Variants in CFI observed in about 807,000 individuals in gnomAD.
The protein encoded by CFI is complement factor I.
Under a neutral mutation model 78.8 loss-of-function variants are expected in CFI, and 66 were observed. The observed-to-expected ratio is 0.84, with a 90% CI of 0.69 to 1.03. The LOEUF (loss-of-function observed/expected upper bound fraction) is 1.03. Among genes scored for constraint, CFI ranks in the 50% least tolerant of loss-of-function variants. CFI has a pLI of 0.00. For synonymous variants in CFI, 250 were observed against 232.6 expected (o/e 1.07, Z -0.68); for missense variants, 706 against 704.5 (o/e 1.00, Z -0.02).
chr4:109,787,826 C>A (rs961986490), intron 1 of CFI, among the ~76,000 whole-genome samples: 1 of 151,702 alleles, frequency 6.6e-6, no homozygotes, highest in South Asian at 2.1e-4. Flanking sequence ...TTGTTTTTTT[C>A]ATAATGAATG....
At chr4:109,767,161 C>A (rs1437304326) in intron 1 of CFI, among the ~76,000 whole-genome samples, 1 of 152,042 alleles carries the variant, frequency 6.6e-6, no homozygotes, top group Admixed American at 6.6e-5. Context: ...CATGTTAGAC[C>A]TAAAACCATA....
At chr4:109,777,339 C>T (rs1011362891) in intron 1 of CFI, among the ~76,000 whole-genome samples, 6 of 151,994 alleles carry the variant, frequency 3.9e-5, no homozygotes, top group African/African-American at 1.2e-4. Flanking sequence ...ATCCTAGTCT[C>T]GGATAAAACA....
intron 1 of CFI, among the ~76,000 whole-genome samples, chr4:109,794,895 C>T (rs1731863420): frequency 6.6e-6 from 1 of 152,098 alleles, no homozygotes; most frequent in Non-Finnish European, 1.5e-5. Context: ...AAGCGTGTGA[C>T]ATTGGCAAGA....
chr4:109,771,923 G>C (rs955923672), intron 1 of CFI, among the ~76,000 whole-genome samples: 3 of 151,988 alleles, frequency 2.0e-5, no homozygotes, highest in Admixed American at 1.3e-4. Context: ...AAGAAGGAGA[G>C]AGAGGGGGAA....
At chr4:109,739,082 T>C (rs1393568641), downstream of CFI, among the ~76,000 whole-genome samples, 1 of 152,196 alleles carries the variant, frequency 6.6e-6, no homozygotes, top group African/African-American at 2.4e-5. Context: ...AAATTGTTAC[T>C]TTTATGTTAT....
chr4:109,732,339 C>A, the CFI span, among the ~76,000 whole-genome samples: 10 of 152,194 alleles, frequency 6.6e-5, no homozygotes, highest in African/African-American at 2.4e-4. Flanking sequence ...ATGAGAATCA[C>A]CACCATTTTT....
chr4:109,782,849 G>A (rs1579289106), intron 1 of CFI, among the ~76,000 whole-genome samples: 1 of 152,074 alleles, frequency 6.6e-6, no homozygotes. Flanking sequence ...CAATGAAACA[G>A]AATAAGAACC....
intron 1 of CFI, among the ~76,000 whole-genome samples, chr4:109,785,808 G>A (rs1730669623): frequency 6.6e-6 from 1 of 151,914 alleles, no homozygotes; most frequent in South Asian, 2.1e-4. Context: ...AAGACCTGAT[G>A]GTTTCATAAG....
chr4:109,797,275 C>T (rs968089183), intron 1 of CFI, among the ~76,000 whole-genome samples: 8 of 152,100 alleles, frequency 5.3e-5, no homozygotes, highest in Non-Finnish European at 1.2e-4. Flanking sequence ...TAAAACCATG[C>T]ATAGATAGTC....
chr4:109,796,212 T>A (rs1732035408), intron 1 of CFI, among the ~76,000 whole-genome samples: 1 of 152,042 alleles, frequency 6.6e-6, no homozygotes, highest in Admixed American at 6.5e-5. Context: ...AAGAGTGGGA[T>A]AATATATTCA....
chr4:109,759,477 T>C (rs919485415), intron 6 of CFI, among the ~76,000 whole-genome samples: 10 of 152,162 alleles, frequency 6.6e-5, no homozygotes, highest in Admixed American at 5.9e-4. Flanking sequence ...ATTACTATTA[T>C]AGTGAATTAT....
At chr4:109,736,629 T>C (rs992430603), downstream of CFI, among the ~76,000 whole-genome samples, 2 of 152,072 alleles carry the variant, frequency 1.3e-5, no homozygotes, top group African/African-American at 4.8e-5. Context: ...ATCAAAAAGA[T>C]ATTTTCAAGG....
At chr4:109,768,604 G>A (rs1198198863) in intron 1 of CFI, among the ~76,000 whole-genome samples, 1 of 152,086 alleles carries the variant, frequency 6.6e-6, no homozygotes, top group African/African-American at 2.4e-5. Flanking sequence ...CAGGCCAATT[G>A]GGCCAAAAGC....
rs756064109 is a variant in CFI at position 109,758,890 on chromosome 4, C to G, written c.884-1107G>C. On this transcript the variant is annotated intron_variant, in intron 6 of 12. Coordinates refer to ENST00000394634, the MANE Select transcript of CFI (RefSeq NM_000204.5). ...GGCAGATCACTTGAGGCCAAGAGTT[C>G]GAGACGAGCCTGGCCAATGTGGCGA... Among the ~76,000 whole-genome samples the G allele has an allele frequency of 2.6e-5, 4 of 152,134 alleles. No homozygotes were observed. In the East Asian group the frequency reaches 7.7e-4, roughly 29 times the overall value.
At chr4:109,747,351 A>AT (rs1381069946) in intron 10 of CFI, among the ~76,000 whole-genome samples, 1 of 8,688 alleles carries the variant, frequency 1.2e-4, no homozygotes. Flanking sequence ...CATTAAGCTA[A>AT]TTTAAAAAAA....
At chr4:109,752,155 C>A (rs1190930880) in intron 8 of CFI, among the ~76,000 whole-genome samples, 1 of 152,016 alleles carries the variant, frequency 6.6e-6, no homozygotes, top group African/African-American at 2.4e-5. Context: ...TGCTTGAGAG[C>A]TGCTTGTTTT....
chr4:109,742,409 GGGGGCTGATGT>G, intron 12 of CFI, 71 bp downstream of exon 12: 1 of 926,734 alleles, frequency 1.1e-6, no homozygotes, highest in Non-Finnish European at 1.8e-6. Flanking sequence ...CCCAAAGCAT[GGGGGCTGATGT>G]GGTGGGAGGA....
intron 7 of CFI, 117 bp from the exon 8 acceptor site, chr4:109,752,620 T>C: frequency 1.2e-6 from 1 of 841,000 alleles, no homozygotes; most frequent in Non-Finnish European, 1.9e-6. Flanking sequence ...TCCTCCCTTT[T>C]ATAAAGAACT....
At chr4:109,766,944 G>T (rs1727843208) in intron 1 of CFI, 120 bp from the exon 2 acceptor site, 3 of 953,098 alleles carry the variant, frequency 3.1e-6, no homozygotes, top group South Asian at 1.5e-5. Context: ...GGATGGTGTT[G>T]TCTGGTGGCT....
Sources: gnomAD v4.1 joint callset for allele counts (sites outside exome capture counted in the v4.1 genomes callset) on GRCh38, gnomAD v4.1.1 for gene constraint, MANE v1.5 for transcripts, NCBI Gene and HGNC (gene_info 2026-07-23, HGNC 2026-07-21) for gene names.